FBXL13: variants seen among roughly 807,000 people sequenced by gnomAD.
FBXL13 encodes the protein F-box and leucine-rich repeat protein 13.
Under a neutral mutation model 83.6 loss-of-function variants are expected in FBXL13, and 67 were observed. That is an observed-to-expected ratio of 0.80 (90% CI 0.66 to 0.98). FBXL13 has a LOEUF of 0.98. FBXL13 is among the 50% of genes least tolerant of loss of function. The probability of loss-of-function intolerance (pLI) is 0.00; values close to 1 mark genes in which losing one functional copy is unlikely to be tolerated. For missense variants in FBXL13, 822 were observed against 866.5 expected (o/e 0.95, Z 0.64); for synonymous variants, 272 against 299.5 (o/e 0.91, Z 0.95).
At chr7:102,860,261 A>G (rs1176587936) in intron 16 of FBXL13, among the ~76,000 whole-genome samples, 1 of 152,232 alleles carries the variant, frequency 6.6e-6, no homozygotes, top group Admixed American at 6.5e-5. Context: ...AGAATGAAGT[A>G]TGTGTTTCAA....
chr7:103,032,526 C>T (rs74634565), intron 2 of FBXL13, among the ~76,000 whole-genome samples: 1,762 of 152,312 alleles, frequency 0.012, 38 homozygotes, highest in African/African-American at 0.041. Context: ...ATGTCTTACA[C>T]GGTTTGTTCA....
At chr7:102,988,306 C>A (rs1190476974) in intron 6 of FBXL13, 2 of 152,170 alleles carry the variant, frequency 1.3e-5, no homozygotes, top group African/African-American at 4.8e-5. Context: ...CTTTAAGGGG[C>A]GGGGATGATA....
chr7:102,941,710 T>C (rs1821478899), intron 8 of FBXL13, among the ~76,000 whole-genome samples: 1 of 151,240 alleles, frequency 6.6e-6, no homozygotes. Context: ...AACTGTAGTT[T>C]ACCAACTATC....
intron 8 of FBXL13, among the ~76,000 whole-genome samples, chr7:102,962,298 A>G (rs1019934057): frequency 3.9e-5 from 6 of 152,216 alleles, no homozygotes; most frequent in African/African-American, 1.4e-4. Flanking sequence ...ATCATCTCAC[A>G]CTAGTTAGAA....
intron 16 of FBXL13, among the ~76,000 whole-genome samples, chr7:102,872,337 G>T (rs1168907416): frequency 1.3e-5 from 2 of 152,048 alleles, no homozygotes; most frequent in Non-Finnish European, 2.9e-5. Context: ...AATTAATCTA[G>T]TGCCTACTAC....
rs547570611 is a variant in FBXL13, at chr7:103,074,416, G to C, written c.-275C>G. 4.6e-6 allele frequency: 5 copies of C among 1,083,876 alleles called. 1 individual carries two copies. The South Asian group carries it at 1.2e-4, about 26-fold the overall frequency. The allele number at this position is 1,083,876 out of a possible 1,614,324, so 67.1% of individuals were successfully genotyped here. ...TGTCCAAACCTTAAAATCTGAGTTT[G>C]GGGTTTCCGATCTGGGCCTTGTGCT... On this transcript the variant is annotated 5_prime_UTR_variant, in exon 1 of 20. Coordinates refer to ENST00000313221, the Ensembl canonical transcript of FBXL13.
At chr7:102,880,861 T>G (rs1404743975) in intron 14 of FBXL13, among the ~76,000 whole-genome samples, 1 of 152,176 alleles carries the variant, frequency 6.6e-6, no homozygotes, top group East Asian at 1.9e-4. Flanking sequence ...GCCTCCCTAC[T>G]TTGAGTCTTG....
chr7:102,828,102 A>T lies in FBXL13; in HGVS notation c.1854+4738T>A, dbSNP rs545851716. On this transcript the variant is annotated intron_variant, in intron 18 of 19. Coordinates refer to ENST00000313221, the Ensembl canonical transcript of FBXL13. ...GTTCCATATGAACTTTAAAGTAGTT[A>T]TTTCCAATTCTGTGAAGAAAGTAAT... is the stretch of plus-strand genomic sequence containing the variant. Among the ~76,000 whole-genome samples the T allele has an allele frequency of 1.0e-3, 152 of 152,218 alleles. No homozygotes were observed. The East Asian group carries it at 0.01, about 10-fold the overall frequency.
intron 2 of FBXL13, among the ~76,000 whole-genome samples, chr7:103,047,963 T>G (rs991951142): frequency 6.6e-6 from 1 of 152,244 alleles, no homozygotes; most frequent in Non-Finnish European, 1.5e-5. Context: ...CCCAAAGTGT[T>G]GGGATTACAG....
At chr7:102,837,355 T>G (rs1164599458) in intron 17 of FBXL13, among the ~76,000 whole-genome samples, 1 of 152,168 alleles carries the variant, frequency 6.6e-6, no homozygotes, top group Non-Finnish European at 1.5e-5. Context: ...TTTTAAAACA[T>G]GGAGAGAACT....
chr7:102,982,460 C>A (rs538628325), intron 6 of FBXL13, among the ~76,000 whole-genome samples: 1 of 152,220 alleles, frequency 6.6e-6, no homozygotes, highest in East Asian at 1.9e-4. Context: ...TTGCCCCAGC[C>A]TTGCAAGGTA....
At chr7:102,871,682 C>T (rs1434712223) in intron 16 of FBXL13, among the ~76,000 whole-genome samples, 1 of 152,134 alleles carries the variant, frequency 6.6e-6, no homozygotes, top group Non-Finnish European at 1.5e-5. Flanking sequence ...CGTAAGCCAC[C>T]ACACCTGGCC....
intron 7 of FBXL13, 79 bp downstream of exon 8, chr7:102,967,943 C>A: frequency 9.2e-7 from 1 of 1,090,328 alleles, no homozygotes; most frequent in Non-Finnish European, 1.4e-6. Flanking sequence ...GAAGGTGTCC[C>A]CACAACAGCT....
intron 10 of FBXL13, among the ~76,000 whole-genome samples, chr7:102,922,909 C>T (rs921986022): frequency 1.3e-5 from 2 of 151,954 alleles, no homozygotes; most frequent in Admixed American, 6.6e-5. Context: ...ACCCGGGAGG[C>T]GGAGCTTGCA....
At chr7:102,861,797 C>T (rs1806873742) in intron 16 of FBXL13, among the ~76,000 whole-genome samples, 1 of 150,010 alleles carries the variant, frequency 6.7e-6, no homozygotes, top group Non-Finnish European at 1.5e-5. Flanking sequence ...GCCTGGCCAG[C>T]ATGGCAAAAC....
chr7:102,974,220 C>G (rs1479721942), intron 6 of FBXL13, among the ~76,000 whole-genome samples: 1 of 152,132 alleles, frequency 6.6e-6, no homozygotes, highest in Non-Finnish European at 1.5e-5. Context: ...GAAACCCTGG[C>G]TCTACTAAAA....
chr7:102,959,551 A>G (rs1824848210), intron 8 of FBXL13, among the ~76,000 whole-genome samples: 1 of 152,054 alleles, frequency 6.6e-6, no homozygotes, highest in Admixed American at 6.6e-5. Flanking sequence ...CTCTCATGCA[A>G]CTTCATTTTA....
At chr7:103,042,351 A>C (rs1045242661) in intron 2 of FBXL13, among the ~76,000 whole-genome samples, 1 of 152,230 alleles carries the variant, frequency 6.6e-6, no homozygotes, top group African/African-American at 2.4e-5. Context: ...AGAACATTCC[A>C]TGCTCATGGA....
At chr7:103,038,455 G>A (rs1040442618) in intron 2 of FBXL13, among the ~76,000 whole-genome samples, 1 of 152,236 alleles carries the variant, frequency 6.6e-6, no homozygotes, top group African/African-American at 2.4e-5. Flanking sequence ...TCTGAAGAGA[G>A]CAGTGATTCT....
Sources: gnomAD v4.1 joint callset for allele counts (sites outside exome capture counted in the v4.1 genomes callset) on GRCh38, gnomAD v4.1.1 for gene constraint, MANE v1.5 for transcripts, NCBI Gene and HGNC (gene_info 2026-07-23, HGNC 2026-07-21) for gene names.